Variants in RBM27 observed in about 807,000 individuals in gnomAD.
The protein encoded by RBM27 is RNA-binding protein 27.
RBM27 carries 22 observed loss-of-function variants against 135.3 expected under a neutral mutation model. The observed-to-expected ratio is 0.16, with a 90% CI of 0.12 to 0.23. RBM27 has a LOEUF of 0.23. Among genes scored for constraint, RBM27 ranks in the 10% least tolerant of loss-of-function variants. The pLI is 1.00. For synonymous variants in RBM27, 481 were observed against 442.4 expected (o/e 1.09, Z -1.10); for missense variants, 1,009 against 1,281.0 (o/e 0.79, Z 3.24).
intron 4 of RBM27, 84 bp downstream of exon 4, chr5:146,229,121 A>C: frequency 5.4e-6 from 5 of 927,936 alleles, no homozygotes. Context: ...TTTTTAATAT[A>C]TATACTTACT....
chr5:146,214,027 T>C (rs1561523692), intron 1 of RBM27, among the ~76,000 whole-genome samples: 1 of 152,184 alleles, frequency 6.6e-6, no homozygotes, highest in Non-Finnish European at 1.5e-5. Context: ...TAAGATACAT[T>C]AATTTTTCCT....
Position 146,203,797 on chromosome 5 carries a change from C to T in RBM27, c.32C>T (p.Ser11Phe), listed in dbSNP as rs1755490397. 3.2e-6 allele frequency: 5 copies of T among 1,550,674 alleles called. No individual in the cohort carries two copies. The highest frequency in any genetic ancestry group is 3.5e-6 in the Non-Finnish European group (4 of 1,146,658). MLIEDVDALK[S>F]WLAKLLEPIC... ...ATAGAGGATGTGGATGCCCTCAAGT[C>T]CTGGCTGGCCAAGTTACTGGAGCCG... Residue 11 changes from serine (S) to phenylalanine (F), a missense_variant, in exon 1 of 21, where the codon TCC (serine) becomes TTC (phenylalanine). Ser to Phe is a radical substitution (Grantham distance 155, BLOSUM62 -2). Coordinates refer to ENST00000265271, the MANE Select transcript of RBM27 (RefSeq NM_018989.2).
intron 7 of RBM27, among the ~76,000 whole-genome samples, chr5:146,235,621 G>A (rs1443351557): frequency 6.6e-6 from 1 of 151,928 alleles, no homozygotes; most frequent in Non-Finnish European, 1.5e-5. Context: ...TAATGCATAT[G>A]TTTGGCCTAT....
chr5:146,237,549 T>G, intron 8 of RBM27, 117 bp downstream of exon 8: 4 of 1,207,320 alleles, frequency 3.3e-6, no homozygotes, highest in Non-Finnish European at 3.5e-6. Context: ...ATTCTAAAAA[T>G]TGTATTTGTG....
intron 9 of RBM27, among the ~76,000 whole-genome samples, chr5:146,254,404 C>A (rs1581204596): frequency 6.7e-6 from 1 of 149,712 alleles, no homozygotes. Context: ...AGAATGGATG[C>A]ATATATCTAT....
intron 1 of RBM27, among the ~76,000 whole-genome samples, chr5:146,205,111 T>C (rs1755571028): frequency 6.6e-6 from 1 of 152,226 alleles, no homozygotes; most frequent in Non-Finnish European, 1.5e-5. Flanking sequence ...TTGGCGAGGC[T>C]GGTCTCGAAC....
At chr5:146,211,051 G>A (rs1221974051) in intron 1 of RBM27, among the ~76,000 whole-genome samples, 1 of 152,000 alleles carries the variant, frequency 6.6e-6, no homozygotes, top group East Asian at 1.9e-4. Flanking sequence ...GGTGGGTGGA[G>A]CACTTGAGTC....
At position 146,207,339 on chromosome 5, in the gene RBM27, G is replaced by A. The variant is rs751987127; in HGVS notation, c.59+3515G>A. ...AGCGATTCTCCTGCTTTAGCCTCCC[G>A]AGTAGCTGGGATTACAGGCGCCCGC... On this transcript the variant is annotated intron_variant, in intron 1 of 20. Coordinates refer to ENST00000265271, the MANE Select transcript of RBM27 (RefSeq NM_018989.2). Among the ~76,000 whole-genome samples the A allele has an allele frequency of 6.6e-5, 10 of 151,032 alleles. No individual in the cohort carries two copies. The South Asian group carries it at 1.1e-3, about 16-fold the overall frequency.
rs1756250318 is a variant in RBM27 at position 146,217,355 on chromosome 5, T to C, written c.60-1630T>C. 2.0e-5 allele frequency among the ~76,000 whole-genome samples: 3 copies of C among 150,914 alleles called. No individual in the cohort carries two copies. The South Asian group carries it at 6.2e-4, about 31-fold the overall frequency. ...AGTTGTGTTACTGAATTACGAACTT[T>C]AAGCATAAAAACTAGAAGGAAGTAA... On this transcript the variant is annotated intron_variant, in intron 1 of 20. Coordinates refer to ENST00000265271, the MANE Select transcript of RBM27 (RefSeq NM_018989.2).
At chr5:146,206,879 G>A (rs893979804) in intron 1 of RBM27, among the ~76,000 whole-genome samples, 3 of 151,834 alleles carry the variant, frequency 2.0e-5, no homozygotes, top group African/African-American at 4.8e-5. Flanking sequence ...CTTTGTGCCT[G>A]GTCTAGAATA....
intron 3 of RBM27, among the ~76,000 whole-genome samples, chr5:146,225,873 G>A (rs752320933): frequency 4.0e-5 from 6 of 151,006 alleles, no homozygotes; most frequent in Non-Finnish European, 7.4e-5. Context: ...CACCTTTCTG[G>A]TTTTTTTTAG....
At chr5:146,219,316 A>G (rs915203835) in intron 2 of RBM27, among the ~76,000 whole-genome samples, 1 of 152,264 alleles carries the variant, frequency 6.6e-6, no homozygotes, top group African/African-American at 2.4e-5. Flanking sequence ...TATTGAGGCA[A>G]TGGCAGCTCT....
At chr5:146,238,100 C>T (rs779434515) in intron 8 of RBM27, among the ~76,000 whole-genome samples, 9 of 152,204 alleles carry the variant, frequency 5.9e-5, no homozygotes, top group East Asian at 5.8e-4. Flanking sequence ...TACAAAAGAG[C>T]GGGTTAATTA....
In RBM27 at chr5:146,230,649, C is replaced by A. The variant is rs1230385832; in HGVS notation, c.590-8C>A. 4 of 1,610,698 alleles carry A rather than the reference C, an allele frequency of 2.5e-6. No homozygotes were observed. The South Asian group carries it at 4.4e-5, about 18-fold the overall frequency. On this transcript the variant is annotated splice_region_variant and splice_polypyrimidine_tract_variant and intron_variant, in intron 5 of 20. Transcript: ENST00000265271. ...TTGTTTTCTGTTTTTAATTTTGTCT[C>A]CAAGTAGAGCACAGGGAAAGATCGA...
Position 146,269,535 on chromosome 5 carries a change from A to G in RBM27, c.2642A>G (p.Lys881Arg). The change falls in exon 17 of 21, where the codon AAA becomes AGA. Residue 881 changes from lysine to arginine, a missense_variant. Lys to Arg is a conservative substitution (Grantham distance 26, BLOSUM62 2). This residue lies in a region of RBM27 where 355 missense variants were observed against 427.3 expected (regional missense o/e 0.83). Coordinates refer to ENST00000265271, the MANE Select transcript of RBM27 (RefSeq NM_018989.2). ...EKISQLKDEL[K>R]TSSAVSTPSK... is the part of the protein sequence containing the mutation. Reference sequence around the variant, plus strand: ...ATCTCACAATTAAAAGATGAATTAAAAACATCTTCTGCAGTCTCCACACCA... The same window carrying G: ...ATCTCACAATTAAAAGATGAATTAAGAACATCTTCTGCAGTCTCCACACCA... 5 of 1,581,024 alleles carry G rather than the reference A, an allele frequency of 3.2e-6. No individual in the cohort carries two copies. Among genetic ancestry groups the G allele is most frequent in the Non-Finnish European group, 4.3e-6 (5 of 1,169,640 alleles).
rs755404637 is a variant in RBM27, at chr5:146,233,634, A to C, written c.1035A>C (p.Pro345=). 6 of 1,598,572 alleles carry C rather than the reference A, an allele frequency of 3.8e-6. No individual in the cohort carries two copies. The highest frequency in any genetic ancestry group is 2.3e-5 in the East Asian group (1 of 44,120). The change falls in exon 7 of 21, where the codon CCA becomes CCC. Residue 345 remains proline, a synonymous_variant. Transcript: ENST00000265271. ...PMPGPGPGPG[P]GPGPGPGPGP... is the part of the protein sequence containing the mutation. ...CAGGTCCAGGCCCAGGCCCGGGCCCAGGTCCAGGCCCAGGCCCGGGCCCAG... is the reference window on the plus strand; with the variant it reads ...CAGGTCCAGGCCCAGGCCCGGGCCCCGGTCCAGGCCCAGGCCCGGGCCCAG...
chr5:146,217,130 C>T (rs1756229544), intron 1 of RBM27, among the ~76,000 whole-genome samples: 2 of 152,068 alleles, frequency 1.3e-5, no homozygotes, highest in African/African-American at 2.4e-5. Flanking sequence ...CCTTGCCTGG[C>T]TAATTTTTGT....
intron 19 of RBM27, among the ~76,000 whole-genome samples, chr5:146,275,484 T>C (rs1424225166): frequency 6.6e-6 from 1 of 152,020 alleles, no homozygotes; most frequent in Admixed American, 6.6e-5. Flanking sequence ...GCCAGCCTGG[T>C]CTCAAACTCC....
At chr5:146,261,074 T>C (rs1425764463) in intron 12 of RBM27, among the ~76,000 whole-genome samples, 176 bp downstream of exon 12, 1 of 152,242 alleles carries the variant, frequency 6.6e-6, no homozygotes, top group Non-Finnish European at 1.5e-5. Context: ...TAAACCATGT[T>C]TGTTCTTGTG....
Sources: gnomAD v4.1 joint callset for allele counts (sites outside exome capture counted in the v4.1 genomes callset) on GRCh38, gnomAD v4.1.1 for gene constraint, gnomAD v4.1.1 regional missense constraint, MANE v1.5 for transcripts, NCBI Gene and HGNC (gene_info 2026-07-23, HGNC 2026-07-21) for gene names.